The following LRRC37B variants were observed in gnomAD, a reference collection of about 807,000 sequenced individuals.
LRRC37B encodes leucine-rich repeat-containing protein 37B.
Under a neutral mutation model 98.3 loss-of-function variants are expected in LRRC37B, and 28 were observed. The ratio of observed to expected loss-of-function variants is 0.28; its 90% CI spans 0.21 to 0.39. LRRC37B has a LOEUF of 0.39. Among genes scored for constraint, LRRC37B ranks in the 10% least tolerant of loss-of-function variants. The pLI is 1.00. For missense variants in LRRC37B, 938 were observed against 1,182.7 expected, an observed-to-expected ratio of 0.79 and a Z score of 3.03; for synonymous variants, 364 against 442.7, an observed-to-expected ratio of 0.82 and a Z score of 2.23.
chr17:32,023,045 T>G (rs1910847548), intron 1 of LRRC37B, among the ~76,000 whole-genome samples: 1 of 152,198 alleles, frequency 6.6e-6, no homozygotes, highest in Non-Finnish European at 1.5e-5. Flanking sequence ...CTCTTACTCG[T>G]TTTCTTATCC....
Position 32,027,786 on chromosome 17 carries a change from A to G in LRRC37B, c.1850A>G (p.Tyr617Cys). 1 of 1,606,902 alleles carries G rather than the reference A, an allele frequency of 6.2e-7. No homozygotes were observed. The highest frequency in any genetic ancestry group is 8.5e-7 in the Non-Finnish European group (1 of 1,177,014). Reference sequence around the variant, plus strand: ...TTTTCCAGAATTCTCAGTGAAAATTATTTGACTGAATTACCTAAGGATTCA... The same window carrying G: ...TTTTCCAGAATTCTCAGTGAAAATTGTTTGACTGAATTACCTAAGGATTCA... Residue 617 changes from tyrosine to cysteine, a missense_variant, in exon 3 of 12, where the codon TAT becomes TGT. This residue lies in a region of LRRC37B where 328 missense variants were observed against 557.0 expected (regional missense o/e 0.59). Transcript: ENST00000327564.
intron 3 of LRRC37B, among the ~76,000 whole-genome samples, chr17:32,029,472 AGGAGG>A (rs1293201680): frequency 6.6e-6 from 1 of 152,124 alleles, no homozygotes; most frequent in Non-Finnish European, 1.5e-5. Flanking sequence ...TGTGGGCACT[AGGAGG>A]GATAAATTGT....
chr17:32,021,357 G>T (rs1372385989), exon 1 of LRRC37B: 1 of 1,613,970 alleles, frequency 6.2e-7, no homozygotes, highest in Non-Finnish European at 8.5e-7. Flanking sequence ...AGCCCCGGGG[G>T]ACTTTGATTA....
chr17:32,019,351 G>A (rs1910713926), upstream of LRRC37B, among the ~76,000 whole-genome samples: 1 of 152,194 alleles, frequency 6.6e-6, no homozygotes. Context: ...CAGGTTTGTA[G>A]CCTAGGCTAT....
intron 5 of LRRC37B, among the ~76,000 whole-genome samples, chr17:32,033,478 G>A (rs1337314451): frequency 1.3e-5 from 2 of 152,176 alleles, no homozygotes; most frequent in Non-Finnish European, 2.9e-5. Context: ...GAGTAAGCAC[G>A]TGAGTTCAGA....
chr17:32,031,205 C>T (rs561113546), intron 4 of LRRC37B, among the ~76,000 whole-genome samples, 173 bp from the exon 8 acceptor site: 2 of 152,322 alleles, frequency 1.3e-5, no homozygotes, highest in Admixed American at 6.5e-5. Context: ...TAATGCACCA[C>T]ATGTGCAATG....
chr17:32,010,251 C>A (rs1480219845), intron 1 of LRRC37B, among the ~76,000 whole-genome samples: 1 of 152,158 alleles, frequency 6.6e-6, no homozygotes, highest in South Asian at 2.1e-4. Context: ...GCCATTGTAG[C>A]AATGAAAGCA....
chr17:32,046,761 C>T (rs1001444150), intron 8 of LRRC37B, among the ~76,000 whole-genome samples: 2 of 152,120 alleles, frequency 1.3e-5, no homozygotes, highest in Non-Finnish European at 2.9e-5. Flanking sequence ...TGGGTTCTCC[C>T]CAAGCCCATG....
At chr17:32,023,202 A>G (rs1348002468) in intron 1 of LRRC37B, among the ~76,000 whole-genome samples, 2 of 147,030 alleles carry the variant, frequency 1.4e-5, no homozygotes, top group African/African-American at 5.0e-5. Context: ...GCTCACCGCA[A>G]CCTCCGTCTC....
At chr17:32,025,577 G>A (rs1910930753) in intron 2 of LRRC37B, among the ~76,000 whole-genome samples, 1 of 151,914 alleles carries the variant, frequency 6.6e-6, no homozygotes, top group Non-Finnish European at 1.5e-5. Flanking sequence ...TCACTTCATG[G>A]TATCACTTAT....
chr17:32,041,874 C>T (rs1453588569), intron 7 of LRRC37B: 1 of 457,290 alleles, frequency 2.2e-6, no homozygotes, highest in East Asian at 6.6e-5. Context: ...CCAGGGCAGC[C>T]CCCACCTCCG....
chr17:32,008,187 C>G (rs566992426), intron 1 of LRRC37B, 55 bp downstream of exon 1: 10 of 225,700 alleles, frequency 4.4e-5, no homozygotes, highest in East Asian at 3.4e-4. Context: ...CTCCCCTCCC[C>G]CCTTGCTCAC....
intron 1 of LRRC37B, among the ~76,000 whole-genome samples, chr17:32,024,143 T>C (rs543261): frequency 4.6e-4 from 69 of 151,586 alleles, no homozygotes; most frequent in East Asian, 7.7e-4. Flanking sequence ...AGAATCCATA[T>C]GTAGAGTGCC....
rs191769603 is a variant in LRRC37B at position 32,015,534 on chromosome 17, T to C, written c.-190-2438T>C. On this transcript the variant is annotated intron_variant, in intron 1 of 14. Transcript: ENST00000543378. Reference sequence around the variant, plus strand: ...GAAACAAGGGGACAATGTTACACTTTTTCCTTCTAGAAACATACATTATAC... The same window carrying C: ...GAAACAAGGGGACAATGTTACACTTCTTCCTTCTAGAAACATACATTATAC... Among the ~76,000 whole-genome samples, 587 of 152,374 alleles carry C rather than the reference T, an allele frequency of 3.9e-3. 4 individuals are homozygous for C. The highest frequency in any genetic ancestry group is 5.4e-3 in the Non-Finnish European group (364 of 68,034).
At chr17:32,021,878 C>G in exon 1 of LRRC37B, 1 of 1,614,152 alleles carries the variant, frequency 6.2e-7, no homozygotes, top group East Asian at 2.2e-5. Context: ...TCCGGGTGAA[C>G]GCAGATGAGC....
chr17:32,022,545 C>A (rs368558347), exon 1 of LRRC37B: 1 of 1,613,870 alleles, frequency 6.2e-7, no homozygotes, highest in Non-Finnish European at 8.5e-7. Context: ...TTCCACAGCC[C>A]TGGAGAAGAC....
At chr17:32,035,678 G>T (rs1911228231) in intron 7 of LRRC37B, 39 bp downstream of exon 10, 2 of 1,547,686 alleles carry the variant, frequency 1.3e-6, no homozygotes, top group Non-Finnish European at 1.8e-6. Flanking sequence ...TACTTAGTTG[G>T]TTTTTTAGGT....
At chr17:32,043,669 G>A (rs957813166) in intron 7 of LRRC37B, among the ~76,000 whole-genome samples, 8 of 152,266 alleles carry the variant, frequency 5.3e-5, no homozygotes, top group Admixed American at 4.6e-4. Flanking sequence ...GCTTCTATTG[G>A]ACCCAAAGGA....
intron 7 of LRRC37B, among the ~76,000 whole-genome samples, chr17:32,038,375 C>T (rs1911312853): frequency 6.6e-6 from 1 of 152,072 alleles, no homozygotes; most frequent in Admixed American, 6.5e-5. Context: ...GGGAGGATTG[C>T]TTGAGCCTGG....
Sources: gnomAD v4.1 joint callset for allele counts (sites outside exome capture counted in the v4.1 genomes callset) on GRCh38, gnomAD v4.1.1 for gene constraint, gnomAD v4.1.1 regional missense constraint, MANE v1.5 for transcripts, NCBI Gene and HGNC (gene_info 2026-07-23, HGNC 2026-07-21) for gene names.